Variants in MAD1L1 observed in about 807,000 individuals in gnomAD.
MAD1L1 encodes the protein mitotic arrest deficient 1 like 1, also known as mitotic spindle assembly checkpoint protein MAD1.
In MAD1L1, 95 loss-of-function variants were observed where a neutral mutation model predicts 96.9. The observed-to-expected ratio is 0.98, with a 90% CI of 0.83 to 1.16. The LOEUF is 1.16. Ranked by LOEUF, MAD1L1 falls within the 50% of genes most tolerant of loss-of-function variation. The pLI, the probability that MAD1L1 is intolerant of heterozygous loss-of-function variation, is 0.00. For synonymous variants in MAD1L1, 473 were observed against 396.6 expected (o/e 1.19, Z -2.29); for missense variants, 1,007 against 954.4 (o/e 1.06, Z -0.73).
chr7:2,070,489 A>G (rs1489647208), intron 11 of MAD1L1, among the ~76,000 whole-genome samples: 1 of 152,088 alleles, frequency 6.6e-6, no homozygotes, highest in Non-Finnish European at 1.5e-5. Flanking sequence ...GAGGTACGAG[A>G]GCTCTCCCAG....
intron 3 of MAD1L1, among the ~76,000 whole-genome samples, chr7:2,226,106 C>T (rs915196852): frequency 2.0e-5 from 3 of 152,212 alleles, no homozygotes; most frequent in African/African-American, 7.2e-5. Context: ...CTTGACTGCT[C>T]GGCCTCGGAC....
At chr7:2,197,321 C>T (rs982075663) in intron 10 of MAD1L1, among the ~76,000 whole-genome samples, 3 of 152,208 alleles carry the variant, frequency 2.0e-5, no homozygotes, top group African/African-American at 7.2e-5. Context: ...TCTGAGAGGA[C>T]TGGAAAACAG....
chr7:1,976,780 T>A (rs1309207825), intron 15 of MAD1L1, among the ~76,000 whole-genome samples: 1 of 152,200 alleles, frequency 6.6e-6, no homozygotes, highest in Non-Finnish European at 1.5e-5. Context: ...GATTGGTGCA[T>A]TTACAAACCT....
chr7:1,969,539 G>T (rs1250475871), intron 15 of MAD1L1, among the ~76,000 whole-genome samples: 1 of 152,164 alleles, frequency 6.6e-6, no homozygotes, highest in East Asian at 1.9e-4. Flanking sequence ...TCAAGAAAAA[G>T]AAATAAATTG....
rs372851405 is a variant in MAD1L1, at chr7:2,068,551, G to A, written c.1218+643C>T. On this transcript the variant is annotated intron_variant, in intron 12 of 18. Coordinates refer to ENST00000265854, the MANE Select transcript of MAD1L1 (RefSeq NM_001013836.2). Reference sequence around the variant, plus strand: ...CTGGAGGCAGGCAGGGGGAGTCTCCGCCCAGCAAACTGGACACCCGCCCTG... The same window carrying A: ...CTGGAGGCAGGCAGGGGGAGTCTCCACCCAGCAAACTGGACACCCGCCCTG... Among the ~76,000 whole-genome samples, 49 of 152,302 alleles carry A rather than the reference G, an allele frequency of 3.2e-4. No homozygotes were observed. In the East Asian group the frequency reaches 7.5e-3, roughly 23 times the overall value.
chr7:1,989,247 G>T (rs1339377987), intron 14 of MAD1L1, among the ~76,000 whole-genome samples: 1 of 152,210 alleles, frequency 6.6e-6, no homozygotes, highest in African/African-American at 2.4e-5. Flanking sequence ...CACCCGCCAG[G>T]ACGGCTCTAA....
chr7:1,956,464 A>G (rs962922202), intron 16 of MAD1L1, among the ~76,000 whole-genome samples: 1 of 152,172 alleles, frequency 6.6e-6, no homozygotes, highest in Non-Finnish European at 1.5e-5. Context: ...ATCACGGCAT[A>G]AACATCTGCT....
intron 13 of MAD1L1, among the ~76,000 whole-genome samples, chr7:2,014,061 C>A (rs981809575): frequency 6.6e-6 from 1 of 152,156 alleles, no homozygotes; most frequent in Non-Finnish European, 1.5e-5. Context: ...GCGCCCTGGG[C>A]CTCACACCCT....
rs567395294 is a variant in MAD1L1, at chr7:2,105,792, C to T, written c.1074-36454G>A. Among the ~76,000 whole-genome samples, 4 of 152,232 alleles carry T rather than the reference C, an allele frequency of 2.6e-5. No individual in the cohort carries two copies. In the South Asian group the frequency reaches 8.3e-4, roughly 32 times the overall value. On this transcript the variant is annotated intron_variant, in intron 11 of 18. Coordinates refer to ENST00000265854, the MANE Select transcript of MAD1L1 (RefSeq NM_001013836.2). ...AGACGCCCAGCCAAAACCCCAGTAC[C>T]ACCAGCTCCAGCTCTCTCCTCCTCA...
intron 17 of MAD1L1, among the ~76,000 whole-genome samples, chr7:1,918,291 C>G (rs1788548874): frequency 6.6e-6 from 1 of 152,206 alleles, no homozygotes; most frequent in Non-Finnish European, 1.5e-5. Flanking sequence ...CCTGGGACCT[C>G]AGCCCCAGCG....
chr7:2,080,117 C>T (rs772636572), intron 11 of MAD1L1: 2 of 191,218 alleles, frequency 1.0e-5, no homozygotes, highest in South Asian at 9.5e-5. Context: ...GGGCCAGCCT[C>T]GAGGCTGGGG....
intron 17 of MAD1L1, among the ~76,000 whole-genome samples, chr7:1,928,857 C>T (rs1456033587): frequency 2.0e-5 from 3 of 152,194 alleles, no homozygotes; most frequent in African/African-American, 7.2e-5. Flanking sequence ...GGGTAGCTCT[C>T]CACAGTGCTT....
chr7:1,914,687 C>T (rs1030648725), intron 17 of MAD1L1, among the ~76,000 whole-genome samples: 1 of 152,334 alleles, frequency 6.6e-6, no homozygotes, highest in Non-Finnish European at 1.5e-5. Flanking sequence ...GATCACAGCT[C>T]ACTGTGGCCT....
chr7:2,155,367 C>T (rs745306704), intron 10 of MAD1L1, among the ~76,000 whole-genome samples: 3 of 152,202 alleles, frequency 2.0e-5, no homozygotes, highest in Non-Finnish European at 4.4e-5. Context: ...CCAGTTCTGT[C>T]GTGTTGAGCA....
At chr7:1,987,450 G>T (rs1011373121) in intron 14 of MAD1L1, among the ~76,000 whole-genome samples, 1 of 152,248 alleles carries the variant, frequency 6.6e-6, no homozygotes, top group African/African-American at 2.4e-5. Flanking sequence ...TAAGTATCCC[G>T]GATGAAGCGA....
intron 13 of MAD1L1, among the ~76,000 whole-genome samples, chr7:2,008,795 T>A (rs1363953359): frequency 9.1e-6 from 1 of 109,510 alleles, no homozygotes; most frequent in African/African-American, 2.8e-5. Context: ...CACGGCTCCA[T>A]CCCAAACAGC....
chr7:2,137,201 C>T (rs1788795193), intron 11 of MAD1L1, among the ~76,000 whole-genome samples: 1 of 152,216 alleles, frequency 6.6e-6, no homozygotes, highest in Non-Finnish European at 1.5e-5. Context: ...GGGCCCTTCT[C>T]CCATCTCCCT....
At chr7:1,882,650 G>A (rs1282850877) in intron 18 of MAD1L1, among the ~76,000 whole-genome samples, 2 of 152,176 alleles carry the variant, frequency 1.3e-5, no homozygotes, top group East Asian at 3.9e-4. Context: ...CACCTCTGAG[G>A]ATGCCACACA....
intron 10 of MAD1L1, among the ~76,000 whole-genome samples, chr7:2,212,074 C>A (rs2114985450): frequency 6.6e-6 from 1 of 151,938 alleles, no homozygotes; most frequent in South Asian, 2.1e-4. Flanking sequence ...GGGGTCCAGA[C>A]CAGAGCTGCC....
Sources: allele counts gnomAD v4.1 joint callset (sites outside exome capture counted in the v4.1 genomes callset), GRCh38; gene constraint gnomAD v4.1.1; transcripts MANE v1.5; gene names NCBI Gene and HGNC (gene_info 2026-07-23, HGNC 2026-07-21).